The following CCDC148 variants were observed in gnomAD, a reference collection of about 807,000 sequenced individuals.
The protein encoded by CCDC148 is coiled-coil domain containing 148.
Under a neutral mutation model 85.7 loss-of-function variants are expected in CCDC148, and 89 were observed. The ratio of observed to expected loss-of-function variants is 1.04; its 90% CI spans 0.87 to 1.24. CCDC148 has a LOEUF of 1.24. CCDC148 is among the 50% of genes most tolerant of loss of function. The pLI is 0.00. For synonymous variants in CCDC148, 230 were observed against 213.9 expected (o/e 1.08, Z -0.66); for missense variants, 692 against 671.7 (o/e 1.03, Z -0.33).
chr2:158,328,884 G>A, intron 7 of CCDC148, among the ~76,000 whole-genome samples: 1 of 151,458 alleles, frequency 6.6e-6, no homozygotes, highest in Non-Finnish European at 1.5e-5. Context: ...TTGTAAATTT[G>A]TTGGAGTTCA....
intron 1 of CCDC148, among the ~76,000 whole-genome samples, chr2:158,424,557 G>A (rs1053301495): frequency 2.6e-5 from 4 of 152,042 alleles, no homozygotes; most frequent in African/African-American, 9.7e-5. Context: ...TCACACACCA[G>A]GGCCTGTCAT....
At chr2:158,219,886 G>C (rs1157950104) in intron 11 of CCDC148, among the ~76,000 whole-genome samples, 1 of 151,938 alleles carries the variant, frequency 6.6e-6, no homozygotes, top group East Asian at 1.9e-4. Flanking sequence ...TCAGCCCTAG[G>C]GTATTCTTTA....
chr2:158,415,106 C>G (rs1293123881), intron 1 of CCDC148, among the ~76,000 whole-genome samples: 3 of 150,674 alleles, frequency 2.0e-5, no homozygotes, highest in Non-Finnish European at 2.9e-5. Flanking sequence ...CACATTGCTA[C>G]AAAGAACTGC....
chr2:158,314,112 C>T (rs1692173405), intron 7 of CCDC148, among the ~76,000 whole-genome samples: 1 of 152,152 alleles, frequency 6.6e-6, no homozygotes, highest in African/African-American at 2.4e-5. Flanking sequence ...CCATGAGTAT[C>T]AGGCACAATT....
intron 7 of CCDC148, among the ~76,000 whole-genome samples, chr2:158,330,175 A>T (rs1169451853): frequency 6.6e-6 from 1 of 152,170 alleles, no homozygotes; most frequent in East Asian, 1.9e-4. Flanking sequence ...ATTTTGAGAT[A>T]CGTCCCATCA....
intron 9 of CCDC148, among the ~76,000 whole-genome samples, chr2:158,281,740 C>G (rs914678850): frequency 4.7e-4 from 71 of 152,218 alleles, no homozygotes; most frequent in African/African-American, 1.7e-3. Context: ...CAATTCCAAT[C>G]AATAGAAAAA....
intron 9 of CCDC148, among the ~76,000 whole-genome samples, chr2:158,260,674 A>G (rs190291316): frequency 9.2e-5 from 14 of 152,266 alleles, no homozygotes; most frequent in Non-Finnish European, 1.8e-4. Context: ...AAGTTTTAGG[A>G]TACAAAATCA....
intron 7 of CCDC148, among the ~76,000 whole-genome samples, chr2:158,332,044 T>G (rs564381379): frequency 1.3e-5 from 2 of 152,296 alleles, no homozygotes; most frequent in South Asian, 4.1e-4. Flanking sequence ...TTTGATCCTG[T>G]CATTATGATG....
At chr2:158,288,077 T>G (rs1690715910) in intron 9 of CCDC148, among the ~76,000 whole-genome samples, 1 of 152,210 alleles carries the variant, frequency 6.6e-6, no homozygotes, top group Non-Finnish European at 1.5e-5. Flanking sequence ...GCCTGACCTG[T>G]ACTTTGGCCC....
chr2:158,238,435 A>C (rs1005798505), intron 10 of CCDC148, among the ~76,000 whole-genome samples: 1 of 152,138 alleles, frequency 6.6e-6, no homozygotes, highest in African/African-American at 2.4e-5. Context: ...ATATGATGTC[A>C]GTAGGAAAAG....
intron 1 of CCDC148, among the ~76,000 whole-genome samples, chr2:158,375,834 G>A (rs1282328698): frequency 3.3e-5 from 5 of 152,118 alleles, no homozygotes; most frequent in Admixed American, 2.6e-4. Flanking sequence ...GACATGGAGC[G>A]AGTATTAAGA....
chr2:158,384,568 C>T (rs1685008496), intron 1 of CCDC148, among the ~76,000 whole-genome samples: 1 of 152,126 alleles, frequency 6.6e-6, no homozygotes, highest in South Asian at 2.1e-4. Flanking sequence ...TCACCTTCTG[C>T]CATGATTGTA....
intron 9 of CCDC148, among the ~76,000 whole-genome samples, chr2:158,284,182 G>A (rs1404135511): frequency 3.3e-5 from 5 of 150,942 alleles, no homozygotes; most frequent in African/African-American, 9.8e-5. Context: ...GCTAGATGAC[G>A]AGTTAGTGGG....
intron 2 of CCDC148, among the ~76,000 whole-genome samples, chr2:158,351,372 G>A (rs1683270165): frequency 6.6e-6 from 1 of 152,204 alleles, no homozygotes; most frequent in Non-Finnish European, 1.5e-5. Flanking sequence ...AGGTCAGTGG[G>A]TGGGCGCAAC....
rs1174990280 is a variant in CCDC148, at chr2:158,439,766, TA to T, written c.25+16648del. Among the ~76,000 whole-genome samples the T allele has an allele frequency of 4.6e-5, 7 of 152,318 alleles. No homozygotes were observed. The East Asian group carries it at 5.8e-4, about 13-fold the overall frequency. ...ATATAGTAATGCTCAATAAGCATAT[TA>T]AAAAATGTTCAACATCCTTAGTCAT... is the stretch of plus-strand genomic sequence containing the variant. On this transcript the variant is annotated intron_variant, in intron 1 of 13. Transcript: ENST00000283233.
chr2:158,373,439 T>C (rs1029385186), intron 1 of CCDC148, among the ~76,000 whole-genome samples: 2 of 152,034 alleles, frequency 1.3e-5, no homozygotes, highest in Non-Finnish European at 2.9e-5. Context: ...TCTCTCTCAT[T>C]TGAAATAGTA....
At chr2:158,406,497 TTC>T (rs1330739449) in intron 1 of CCDC148, among the ~76,000 whole-genome samples, 1 of 152,096 alleles carries the variant, frequency 6.6e-6, no homozygotes, top group Non-Finnish European at 1.5e-5. Context: ...GGCCCTTTTG[TTC>T]TCTCTAATAT....
At chr2:158,446,572 T>G (rs922343864) in intron 1 of CCDC148, among the ~76,000 whole-genome samples, 4 of 152,034 alleles carry the variant, frequency 2.6e-5, no homozygotes, top group South Asian at 2.1e-4. Context: ...TATAAGGGAG[T>G]TTTAAGATGT....
chr2:158,367,335 C>A (rs1371564237), intron 1 of CCDC148, among the ~76,000 whole-genome samples: 1 of 152,172 alleles, frequency 6.6e-6, no homozygotes, highest in African/African-American at 2.4e-5. Flanking sequence ...TTCTGCCATC[C>A]ATAGCTTAGC....
Sources: gnomAD v4.1 joint callset for allele counts (sites outside exome capture counted in the v4.1 genomes callset) on GRCh38, gnomAD v4.1.1 for gene constraint, MANE v1.5 for transcripts, NCBI Gene and HGNC (gene_info 2026-07-23, HGNC 2026-07-21) for gene names.